Variants in ROBO1 observed in about 807,000 individuals in gnomAD.
The protein encoded by ROBO1 is roundabout guidance receptor 1, also known as roundabout homolog 1.
In ROBO1, 149 loss-of-function variants were observed where a neutral mutation model predicts 195.9. The observed-to-expected ratio is 0.76, with a 90% CI of 0.67 to 0.87. The LOEUF is 0.87. Among genes scored for constraint, ROBO1 ranks in the 40% least tolerant of loss-of-function variants. The pLI is 0.00. For missense variants in ROBO1, 1,933 were observed against 2,068.3 expected (o/e 0.93, Z 1.27); for synonymous variants, 816 against 733.2 (o/e 1.11, Z -1.82).
chr3:79,761,130 T>G (rs1704676442), intron 1 of ROBO1, among the ~76,000 whole-genome samples: 1 of 148,108 alleles, frequency 6.8e-6, no homozygotes, highest in Non-Finnish European at 1.5e-5. Context: ...CCATACCTAC[T>G]AAATATATAA....
At chr3:79,196,711 T>C (rs914650842) in intron 2 of ROBO1, among the ~76,000 whole-genome samples, 3 of 151,782 alleles carry the variant, frequency 2.0e-5, no homozygotes, top group African/African-American at 7.2e-5. Flanking sequence ...TTTTACCTTG[T>C]CTCTCCGTGG....
chr3:78,881,127 C>G (rs2036153826), intron 4 of ROBO1, among the ~76,000 whole-genome samples: 1 of 152,176 alleles, frequency 6.6e-6, no homozygotes, highest in African/African-American at 2.4e-5. Flanking sequence ...AGGCTCAATG[C>G]TTCAGGCTGC....
At chr3:79,375,844 C>T (rs566353669) in intron 2 of ROBO1, among the ~76,000 whole-genome samples, 1 of 152,130 alleles carries the variant, frequency 6.6e-6, no homozygotes. Flanking sequence ...GATCTTAAAC[C>T]TGTTCTGGGC....
intron 2 of ROBO1, among the ~76,000 whole-genome samples, chr3:79,249,291 G>C (rs1448205997): frequency 1.3e-5 from 2 of 152,232 alleles, no homozygotes; most frequent in African/African-American, 4.8e-5. Flanking sequence ...AGCACGAAGA[G>C]GACTACGTTT....
chr3:78,618,004 T>C lies in ROBO1; in HGVS notation c.3913A>G (p.Ile1305Val). The stretch of plus-strand genomic sequence containing the variant: ...TAGCCATAGGTATGTGGAGGGGAGA[T>C]CGGCCGTGGTGGTGGAGGAGGACTC... ...PVSPPPPPRP[I>V]SPPHTYGYIS... Residue 1305 changes from isoleucine to valine, a missense_variant, in exon 27 of 31, where the codon ATC becomes GTC. Coordinates refer to ENST00000464233, the MANE Select transcript of ROBO1 (RefSeq NM_002941.4). 1 of 1,613,598 alleles carries C rather than the reference T, an allele frequency of 6.2e-7. No homozygotes were observed. The highest frequency in any genetic ancestry group is 8.5e-7 in the Non-Finnish European group (1 of 1,179,712).
intron 2 of ROBO1, among the ~76,000 whole-genome samples, chr3:79,369,645 C>T (rs1400566310): frequency 1.3e-5 from 2 of 151,882 alleles, no homozygotes; most frequent in Non-Finnish European, 2.9e-5. Flanking sequence ...GTTTCATGAT[C>T]CCTTTACTTG....
chr3:79,711,405 C>T (rs544820459), intron 1 of ROBO1, among the ~76,000 whole-genome samples: 4 of 152,140 alleles, frequency 2.6e-5, no homozygotes, highest in South Asian at 2.1e-4. Flanking sequence ...ACAGAGATTA[C>T]GTGTAAGAAT....
In ROBO1 at chr3:78,922,275, C is replaced by CTAGTTTCTGAATTTTGTGTCTCACTTT. The variant is rs2038977785; in HGVS notation, c.499+16325_499+16326insAAAGTGAGACACAAAATTCAGAAACTA. Among the ~76,000 whole-genome samples, 3 of 151,876 alleles carry CTAGTTTCTGAATTTTGTGTCTCACTTT rather than the reference C, an allele frequency of 2.0e-5. No individual in the cohort carries two copies. In the South Asian group the frequency reaches 6.5e-4, roughly 33 times the overall value. ...CCCCAAGTCATCAACCAAAAATGTT[C>CTAGTTTCTGAATTTTGTGTCTCACTTT]AGGAAAATCATGGAGGAACGTGCCT... On this transcript the variant is annotated intron_variant, in intron 4 of 30. Coordinates refer to ENST00000464233, the MANE Select transcript of ROBO1 (RefSeq NM_002941.4).
intron 2 of ROBO1, among the ~76,000 whole-genome samples, chr3:79,170,711 T>C (rs1441190460): frequency 4.0e-5 from 6 of 151,248 alleles, no homozygotes; most frequent in Non-Finnish European, 8.8e-5. Context: ...GACAAGTTAT[T>C]TTTTTTTCTC....
intron 8 of ROBO1, among the ~76,000 whole-genome samples, chr3:78,710,869 C>A (rs1350600095): frequency 6.6e-6 from 1 of 152,130 alleles, no homozygotes; most frequent in Non-Finnish European, 1.5e-5. Flanking sequence ...TGAAGTTGCT[C>A]GTTTAAAAAT....
intron 4 of ROBO1, among the ~76,000 whole-genome samples, chr3:78,874,447 T>A (rs1236563676): frequency 6.6e-6 from 1 of 151,862 alleles, no homozygotes; most frequent in Non-Finnish European, 1.5e-5. Context: ...TTATAACTTA[T>A]AATGCAAATG....
intron 8 of ROBO1, among the ~76,000 whole-genome samples, chr3:78,708,784 CTG>C (rs1272949936): frequency 6.6e-6 from 1 of 152,106 alleles, no homozygotes; most frequent in East Asian, 1.9e-4. Flanking sequence ...GTTACAAATA[CTG>C]TATGTAGTAT....
At chr3:79,375,659 G>A (rs1026813943) in intron 2 of ROBO1, among the ~76,000 whole-genome samples, 1 of 152,178 alleles carries the variant, frequency 6.6e-6, no homozygotes, top group African/African-American at 2.4e-5. Flanking sequence ...AAGTGTACTG[G>A]AAATATCCCT....
At chr3:79,009,059 G>T (rs946244685) in intron 3 of ROBO1, among the ~76,000 whole-genome samples, 2 of 151,006 alleles carry the variant, frequency 1.3e-5, no homozygotes, top group Admixed American at 1.3e-4. Flanking sequence ...TCCTGCCTCG[G>T]CCTCCGGAGT....
chr3:79,584,894 A>G (rs939856224), intron 2 of ROBO1, among the ~76,000 whole-genome samples: 1 of 151,620 alleles, frequency 6.6e-6, no homozygotes, highest in African/African-American at 2.4e-5. Flanking sequence ...GAGAACACCC[A>G]CCTGACAGCT....
At chr3:79,706,113 T>G (rs1330325123) in intron 1 of ROBO1, among the ~76,000 whole-genome samples, 1 of 152,096 alleles carries the variant, frequency 6.6e-6, no homozygotes, top group Non-Finnish European at 1.5e-5. Flanking sequence ...CTGTTGTATT[T>G]TTTCCTTCCC....
At chr3:78,781,908 T>G (rs2083688081) in intron 4 of ROBO1, among the ~76,000 whole-genome samples, 1 of 152,282 alleles carries the variant, frequency 6.6e-6, no homozygotes, top group Non-Finnish European at 1.5e-5. Context: ...GTTGTAAATG[T>G]ACAAAAGTGT....
intron 3 of ROBO1, among the ~76,000 whole-genome samples, chr3:78,988,580 G>T (rs1472338639): frequency 6.6e-6 from 1 of 152,124 alleles, no homozygotes; most frequent in Non-Finnish European, 1.5e-5. Context: ...TTCAGGAAGA[G>T]AAAATATTTA....
At chr3:79,173,665 C>A (rs181193042) in intron 2 of ROBO1, among the ~76,000 whole-genome samples, 2 of 152,238 alleles carry the variant, frequency 1.3e-5, no homozygotes, top group East Asian at 3.9e-4. Flanking sequence ...CCCTGCTCCA[C>A]GGTGCCCAGT....
Sources: allele counts gnomAD v4.1 joint callset (sites outside exome capture counted in the v4.1 genomes callset), GRCh38; gene constraint gnomAD v4.1.1; transcripts MANE v1.5; gene names NCBI Gene and HGNC (gene_info 2026-07-23, HGNC 2026-07-21).